Variants in ZWILCH observed in about 807,000 individuals in gnomAD.
The protein encoded by ZWILCH is zwilch kinetochore protein.
ZWILCH carries 74 observed loss-of-function variants against 79.9 expected under a neutral mutation model. The ratio of observed to expected loss-of-function variants is 0.93; its 90% confidence interval spans 0.77 to 1.12. ZWILCH has a LOEUF of 1.12. ZWILCH is among the 50% of genes most tolerant of loss of function. The pLI is 0.00. For missense variants in ZWILCH, 694 were observed against 687.5 expected (o/e 1.01, Z -0.11); for synonymous variants, 241 against 228.2 (o/e 1.06, Z -0.51).
At chr15:66,524,581 A>G (rs1032748658) in intron 8 of ZWILCH, 35 of 152,000 alleles carry the variant, frequency 2.3e-4, no homozygotes, top group African/African-American at 8.5e-4. Context: ...GGTTGCATTG[A>G]TCTCACAGAA....
chr15:66,544,542 T>C (rs1478894727), intron 17 of ZWILCH, among the ~76,000 whole-genome samples: 2 of 152,012 alleles, frequency 1.3e-5, no homozygotes, highest in Non-Finnish European at 1.5e-5. Flanking sequence ...GGTCTTGTTA[T>C]GTTGGCCAGG....
At position 66,529,795 on chromosome 15, in the gene ZWILCH, G is replaced by A. The variant is rs118121784; in HGVS notation, c.1155+222G>A. ...TCGTAGTGTTCCAGGATTGATTAAT[G>A]TTATCCATGTAATGCACCTAGTGCC... On this transcript the variant is annotated intron_variant, in intron 12 of 18. Coordinates refer to ENST00000307897, the MANE Select transcript of ZWILCH (RefSeq NM_017975.5). 2.6e-3 allele frequency among the ~76,000 whole-genome samples: 397 copies of A among 152,322 alleles called. 3 individuals carry two copies. Among genetic ancestry groups the A allele is most frequent in the Middle Eastern group, 0.01 (3 of 294 alleles).
intron 8 of ZWILCH, among the ~76,000 whole-genome samples, chr15:66,524,791 A>G (rs1894616161): frequency 6.6e-6 from 1 of 152,120 alleles, no homozygotes; most frequent in African/African-American, 2.4e-5. Flanking sequence ...TTTGTATAAA[A>G]CTGATAGTTT....
At chr15:66,516,869 C>T (rs188393773) in intron 4 of ZWILCH, among the ~76,000 whole-genome samples, 1 of 152,248 alleles carries the variant, frequency 6.6e-6, no homozygotes, top group Non-Finnish European at 1.5e-5. Flanking sequence ...TCATATTTGG[C>T]CTGTTTTCTC....
chr15:66,513,386 C>T (rs1301680111), intron 2 of ZWILCH, among the ~76,000 whole-genome samples: 2 of 151,604 alleles, frequency 1.3e-5, no homozygotes, highest in South Asian at 2.1e-4. Flanking sequence ...GGCAATATAG[C>T]GAGACCCCAT....
rs373537835 is a variant in ZWILCH at position 66,521,134 on chromosome 15, G to T, written c.676G>T (p.Ala226Ser). The change falls in exon 7 of 19, where the codon GCT becomes TCT. Residue 226 changes from alanine (A) to serine (S), a missense_variant. Coordinates refer to ENST00000307897, the MANE Select transcript of ZWILCH (RefSeq NM_017975.5). ...DTITASQTAIALDISWSPVDE... is the reference protein window; with the variant it reads ...DTITASQTAISLDISWSPVDE... ...AATCACAGCATCACAAACTGCGATC[G>T]CTTTGGATATTTCCTGGAGTCCTGT... 2 of 1,614,026 alleles carry T rather than the reference G, an allele frequency of 1.2e-6. No homozygotes were observed. Among genetic ancestry groups the T allele is most frequent in the South Asian group, 1.1e-5 (1 of 91,082 alleles).
chr15:66,509,184 C>T (rs1893936435), intron 2 of ZWILCH, among the ~76,000 whole-genome samples: 1 of 152,144 alleles, frequency 6.6e-6, no homozygotes, highest in Non-Finnish European at 1.5e-5. Flanking sequence ...TCATGATCCG[C>T]CCGCCTCGGC....
chr15:66,544,221 C>T (rs1212592004), intron 17 of ZWILCH, among the ~76,000 whole-genome samples: 8 of 150,422 alleles, frequency 5.3e-5, no homozygotes, highest in African/African-American at 1.7e-4. Context: ...CACGCCATTG[C>T]ACTCCAGCCT....
intron 18 of ZWILCH, 91 bp downstream of exon 18, chr15:66,546,796 C>G (rs972293460): frequency 1.7e-6 from 1 of 571,696 alleles, no homozygotes; most frequent in Admixed American, 3.8e-5. Context: ...TGTCGATTTG[C>G]TACATTAGGA....
chr15:66,514,111 T>C, intron 3 of ZWILCH, 28 bp downstream of exon 3: 3 of 1,531,626 alleles, frequency 2.0e-6, no homozygotes, highest in South Asian at 2.4e-5. Flanking sequence ...TTTGTGGTTG[T>C]TTAATTCTCC....
chr15:66,530,590 T>G (rs1894824008), intron 12 of ZWILCH, among the ~76,000 whole-genome samples: 1 of 152,118 alleles, frequency 6.6e-6, no homozygotes, highest in Non-Finnish European at 1.5e-5. Flanking sequence ...TGAGCTGAGA[T>G]TGCACCACTC....
At position 66,549,852 on chromosome 15, in the gene ZWILCH, A is replaced by G. The variant is rs913743783; in HGVS notation, c.*1528A>G. On this transcript the variant is annotated 3_prime_UTR_variant, in exon 19 of 19. Coordinates refer to ENST00000307897, the MANE Select transcript of ZWILCH (RefSeq NM_017975.5). ...AAAATGGATAAAATGTTTATCTTTC[A>G]TGGTAGATTAAATGCTTTAAAATGC... The G allele has an allele frequency of 4.7e-5, 21 of 449,450 alleles. No individual in the cohort carries two copies. Among genetic ancestry groups the G allele is most frequent in the African/African-American group, 3.9e-4 (19 of 48,766 alleles). 27.8% of individuals were successfully genotyped at this position (449,450 alleles called of 1,614,324 possible). A position where few individuals can be genotyped will look rare whatever the true frequency, so the allele number is the denominator to read the frequency against.
rs75519245 is a variant in ZWILCH at position 66,529,699 on chromosome 15, G to C, written c.1155+126G>C. The C allele has an allele frequency of 6.7e-4, 450 of 669,202 alleles. 1 individual carries two copies. In the African/African-American group the frequency reaches 7.3e-3, roughly 11 times the overall value. 41.5% of individuals were successfully genotyped at this position (669,202 alleles called of 1,614,324 possible). A position where few individuals can be genotyped will look rare whatever the true frequency, so the allele number is the denominator to read the frequency against. On this transcript the variant is annotated intron_variant, in intron 12 of 18. Transcript: ENST00000307897. ...GCTACTTTCTAGCTGTGTAAAGTTC[G>C]GCAGGTTCCTTTACTTTTCTTGTGC...
intron 17 of ZWILCH, among the ~76,000 whole-genome samples, chr15:66,544,696 CCTT>C (rs1180503427): frequency 8.1e-6 from 1 of 122,944 alleles, no homozygotes; most frequent in Non-Finnish European, 1.7e-5. Flanking sequence ...GAAAAAAATG[CCTT>C]GTTTTTTTGT....
intron 14 of ZWILCH, 136 bp from the exon 15 acceptor site, chr15:66,535,797 G>C: frequency 1.5e-6 from 1 of 659,094 alleles, no homozygotes; most frequent in Non-Finnish European, 2.4e-6. Context: ...ATTCTATCTA[G>C]CTTCTTCTGG....
chr15:66,526,939 G>T (rs1041167218), intron 8 of ZWILCH, among the ~76,000 whole-genome samples: 1 of 152,106 alleles, frequency 6.6e-6, no homozygotes, highest in Non-Finnish European at 1.5e-5. Flanking sequence ...AGTATCCTCA[G>T]TCTTAAGTCC....
At chr15:66,536,478 G>A (rs1045287153) in intron 15 of ZWILCH, among the ~76,000 whole-genome samples, 1 of 152,214 alleles carries the variant, frequency 6.6e-6, no homozygotes, top group Admixed American at 6.5e-5. Context: ...TAGCATTGCT[G>A]TAATTGTAGA....
chr15:66,527,228 T>A, intron 8 of ZWILCH, 62 bp from the exon 9 acceptor site: 1 of 1,125,776 alleles, frequency 8.9e-7, no homozygotes, highest in East Asian at 2.4e-5. Context: ...ATTACATACA[T>A]CCTTATTGAT....
rs1595910123 is a variant in ZWILCH, at chr15:66,520,609, A to G, written c.540A>G (p.Val180=). The G allele has an allele frequency of 5.2e-6, 8 of 1,532,900 alleles. No individual in the cohort carries two copies. The highest frequency in any genetic ancestry group is 1.7e-4 in the Middle Eastern group (1 of 5,944). 95.0% of individuals were successfully genotyped at this position (1,532,900 alleles called of 1,614,324 possible). Residue 180 remains valine (V), a synonymous_variant, in exon 6 of 19, where the codon GTA becomes GTG. Coordinates refer to ENST00000307897, the MANE Select transcript of ZWILCH (RefSeq NM_017975.5). ...CTATAGCTGATAAAAATTATTCTGTAAATCTTGAAAACCTAAAAAATTTAC... is the reference window on the plus strand; with the variant it reads ...CTATAGCTGATAAAAATTATTCTGTGAATCTTGAAAACCTAAAAAATTTAC... ...VSCKADKNYS[V]NLENLKNLHK... is the part of the protein sequence containing the mutation.
Sources: allele counts gnomAD v4.1 joint callset (sites outside exome capture counted in the v4.1 genomes callset), GRCh38; gene constraint gnomAD v4.1.1; transcripts MANE v1.5; gene names NCBI Gene and HGNC (gene_info 2026-07-23, HGNC 2026-07-21).